RMND5B: variants seen among roughly 807,000 people sequenced by gnomAD.
RMND5B encodes the protein E3 ubiquitin-protein transferase RMND5B.
In RMND5B, 42 loss-of-function variants were observed where a neutral mutation model predicts 50.4. The observed-to-expected ratio is 0.83, with a 90% CI of 0.65 to 1.08. The LOEUF (loss-of-function observed/expected upper bound fraction) is 1.08. Ranked by LOEUF, RMND5B falls within the 50% of genes least tolerant of loss-of-function variation. The pLI is 0.00. For missense variants in RMND5B, 463 were observed against 508.5 expected (o/e 0.91, Z 0.86); for synonymous variants, 220 against 210.0 (o/e 1.05, Z -0.41).
Position 178,148,297 on chromosome 5 carries a change from G to A in RMND5B, c.*265G>A, listed in dbSNP as rs575772829. 7.2e-5 allele frequency: 39 copies of A among 540,288 alleles called. No individual in the cohort carries two copies. Among genetic ancestry groups the A allele is most frequent in the African/African-American group, 5.3e-4 (28 of 52,694 alleles). 33.5% of individuals were successfully genotyped at this position (540,288 alleles called of 1,614,324 possible). On this transcript the variant is annotated 3_prime_UTR_variant, in exon 11 of 11. Transcript: ENST00000313386. Reference sequence around the variant, plus strand: ...GCTGTCTTTTCCTGTTTCTGTTTGCGTTTGACTTAGTAGCAACCGACAGAG... The same window carrying A: ...GCTGTCTTTTCCTGTTTCTGTTTGCATTTGACTTAGTAGCAACCGACAGAG...
chr5:178,145,143 AGGTTCAAGC>A (rs1755923763), intron 7 of RMND5B, among the ~76,000 whole-genome samples: 2 of 151,966 alleles, frequency 1.3e-5, no homozygotes, highest in South Asian at 4.1e-4. Context: ...TCCACCTCCC[AGGTTCAAGC>A]GATTCTCCTG....
At chr5:178,142,200 C>T (rs183570701) in intron 3 of RMND5B, 54 of 184,744 alleles carry the variant, frequency 2.9e-4, no homozygotes, top group Non-Finnish European at 3.4e-4. Flanking sequence ...GTATATCCTT[C>T]GGAGTGGAAC....
In RMND5B at chr5:178,144,006, C is replaced by T. The variant is rs749978415; in HGVS notation, c.592C>T (p.Arg198Ter). Residue 198 changes from arginine to a stop codon, truncating the protein, a stop_gained, in exon 7 of 11, where the codon CGA becomes TGA. Coordinates refer to ENST00000313386, the MANE Select transcript of RMND5B (RefSeq NM_022762.5). LOFTEE classifies it high-confidence loss of function. ...LNSSLEFKLHRLHFIRLLAGG... is the reference protein window; with the variant it reads ...LNSSLEFKLH ...CAGCTCCCTGGAGTTCAAGCTGCAC[C>T]GACTGCACTTCATCCGCCTCTTGGC... 21 of 1,614,146 alleles carry T rather than the reference C, an allele frequency of 1.3e-5. No individual in the cohort carries two copies. The highest frequency in any genetic ancestry group is 3.3e-5 in the South Asian group (3 of 91,092).
chr5:178,147,699 G>T lies in RMND5B; in HGVS notation c.964-30G>T, dbSNP rs754923274. The T allele has an allele frequency of 1.9e-6, 3 of 1,613,970 alleles. No homozygotes were observed. In the African/African-American group the frequency reaches 4.0e-5, roughly 22 times the overall value. ...GGGGAGGACAGCCATGACAGGAAGT[G>T]GAACTCACCCGCTTCGCTGCCCTTC... is the stretch of plus-strand genomic sequence containing the variant. On this transcript the variant is annotated intron_variant, in intron 9 of 10. Coordinates refer to ENST00000313386, the MANE Select transcript of RMND5B (RefSeq NM_022762.5).
chr5:178,143,715 G>A lies in RMND5B; in HGVS notation c.515G>A (p.Gly172Asp). 1 of 1,613,662 alleles carries A rather than the reference G, an allele frequency of 6.2e-7. No individual in the cohort carries two copies. Among genetic ancestry groups the A allele is most frequent in the Non-Finnish European group, 8.5e-7 (1 of 1,179,556 alleles). Residue 172 changes from glycine to aspartate, a missense_variant, in exon 6 of 11, where the codon GGT (glycine) becomes GAT (aspartate). Transcript: ENST00000313386. Reference protein sequence around the residue: ...ILEALHEQDLGPALEWAVSHR... With the variant: ...ILEALHEQDLDPALEWAVSHR... The stretch of plus-strand genomic sequence containing the variant: ...GAAGCCCTGCACGAACAAGACCTGG[G>A]TCCTGCGTTGGAGTAAGGAGGCCCT...
chr5:178,138,168 A>G lies in RMND5B; in HGVS notation c.49A>G (p.Lys17Glu). The G allele has an allele frequency of 1.2e-6, 2 of 1,613,506 alleles. No individual in the cohort carries two copies. Among genetic ancestry groups the G allele is most frequent in the Non-Finnish European group, 1.7e-6 (2 of 1,179,774 alleles). ...GAGAGAGCTGGACAAGGTCCTGCAG[A>G]AGTTCCTGACCTACGGGCAGCACTG... The part of the protein sequence containing the change: ...VERELDKVLQ[K>E]FLTYGQHCER... The change falls in exon 3 of 11, where the codon AAG (lysine) becomes GAG (glutamate). Residue 17 changes from lysine to glutamate, a missense_variant. Coordinates refer to ENST00000313386, the MANE Select transcript of RMND5B (RefSeq NM_022762.5). The surrounding 1 kb of genome is among the most constrained non-coding windows in gnomAD (Gnocchi z 5.1).
chr5:178,134,474 G>A (rs1164136400), intron 2 of RMND5B, among the ~76,000 whole-genome samples: 3 of 152,134 alleles, frequency 2.0e-5, no homozygotes, highest in African/African-American at 7.2e-5. Context: ...TGGGGAGGAA[G>A]GCTTAGGACC....
intron 3 of RMND5B, 159 bp from the exon 4 acceptor site, chr5:178,142,424 A>C (rs1758992395): frequency 1.2e-6 from 1 of 826,058 alleles, no homozygotes; most frequent in Non-Finnish European, 1.9e-6. Flanking sequence ...AGACAGTTAA[A>C]AAGTGGCAGG....
Position 178,138,246 on chromosome 5 carries a change from C to T in RMND5B, c.127C>T (p.Leu43=), listed in dbSNP as rs1339625673. The stretch of plus-strand genomic sequence containing the variant: ...CTACGTGGGCCAGCTGCGGGCTGAG[C>T]TGGCCAGCGCAGGTGGGTGGCCACC... The part of the protein sequence containing the change: ...LHYVGQLRAE[L]ASAALQGTPL... Residue 43 remains leucine (L), a synonymous_variant, in exon 3 of 11, where the codon CTG becomes TTG. Transcript: ENST00000313386. This position sits in a 1 kb window ranked among gnomAD's most constrained non-coding sequence, Gnocchi z 5.1. The T allele has an allele frequency of 6.2e-7, 1 of 1,613,242 alleles. No individual in the cohort carries two copies. Among genetic ancestry groups the T allele is most frequent in the Non-Finnish European group, 8.5e-7 (1 of 1,179,568 alleles).
chr5:178,138,548 T>C lies in RMND5B; in HGVS notation c.139+290T>C, dbSNP rs1758748366. On this transcript the variant is annotated intron_variant, in intron 3 of 10. Transcript: ENST00000313386. This position sits in a 1 kb window ranked among gnomAD's most constrained non-coding sequence, Gnocchi z 5.1. ...GTGTGTGTGTGTGTGTGTGTGTGTG[T>C]AGAAACAGTGTCTTTGTTGCCTAGG... Among the ~76,000 whole-genome samples the C allele has an allele frequency of 6.6e-6, 1 of 151,124 alleles. No homozygotes were observed. The highest frequency in any genetic ancestry group is 2.4e-5 in the African/African-American group (1 of 41,158).
At position 178,138,135 on chromosome 5, in the gene RMND5B, T is replaced by A. The variant is rs906649796; in HGVS notation, c.16T>A (p.Cys6Ser). 2 of 1,604,064 alleles carry A rather than the reference T, an allele frequency of 1.2e-6. No homozygotes were observed. The highest frequency in any genetic ancestry group is 1.7e-6 in the Non-Finnish European group (2 of 1,175,572). Residue 6 changes from cysteine to serine, a missense_variant, in exon 3 of 11, where the codon TGC (cysteine) becomes AGC (serine). Cys to Ser is a moderately radical substitution (Grantham distance 112). Coordinates refer to ENST00000313386, the MANE Select transcript of RMND5B (RefSeq NM_022762.5). This position sits in a 1 kb window ranked among gnomAD's most constrained non-coding sequence, Gnocchi z 5.1. ...TGAGGCCACCATGGAGCAGTGTGCGTGCGTGGAGAGAGAGCTGGACAAGGT... is the reference window on the plus strand; with the variant it reads ...TGAGGCCACCATGGAGCAGTGTGCGAGCGTGGAGAGAGAGCTGGACAAGGT... MEQCA[C>S]VERELDKVLQ...
In RMND5B at chr5:178,150,442, A is replaced by G; in HGVS notation, c.*2410A>G. 1 of 346,786 alleles carries G rather than the reference A, an allele frequency of 2.9e-6. No homozygotes were observed. Among genetic ancestry groups the G allele is most frequent in the Admixed American group, 3.9e-5 (1 of 25,972 alleles). 21.5% of individuals were successfully genotyped at this position (346,786 alleles called of 1,614,324 possible). A position where few individuals can be genotyped will look rare whatever the true frequency, so the allele number is the denominator to read the frequency against. On this transcript the variant is annotated 3_prime_UTR_variant, in exon 11 of 11. Coordinates refer to ENST00000313386, the MANE Select transcript of RMND5B (RefSeq NM_022762.5). ...CATGCAGTCTGGAGTGTGGTGGTGTATGATCATGGCTCACTGCAGCCTTGA... is the reference window on the plus strand; with the variant it reads ...CATGCAGTCTGGAGTGTGGTGGTGTGTGATCATGGCTCACTGCAGCCTTGA...
chr5:178,141,092 T>C (rs572830492), intron 3 of RMND5B, among the ~76,000 whole-genome samples: 1 of 152,364 alleles, frequency 6.6e-6, no homozygotes, highest in Admixed American at 6.5e-5. Flanking sequence ...CAATAGGTTA[T>C]AATCCATTGC....
In RMND5B at chr5:178,143,723, T is replaced by A. The variant is rs769134484; in HGVS notation, c.523T>A (p.Leu175Met). 1 of 1,612,560 alleles carries A rather than the reference T, an allele frequency of 6.2e-7. No individual in the cohort carries two copies. The highest frequency in any genetic ancestry group is 8.5e-7 in the Non-Finnish European group (1 of 1,178,654). The change falls in exon 6 of 11, where the codon TTG becomes ATG. Residue 175 changes from leucine (L) to methionine (M), a missense_variant. Leu to Met is a conservative substitution (Grantham distance 15). Transcript: ENST00000313386. ...GCACGAACAAGACCTGGGTCCTGCG[T>A]TGGAGTAAGGAGGCCCTTGGGTGGG... is the stretch of plus-strand genomic sequence containing the variant. The part of the protein sequence containing the change: ...ALHEQDLGPA[L>M]EWAVSHRQRL...
In RMND5B at chr5:178,150,360, AC is replaced by A; in HGVS notation, c.*2331del. ...TATCCCAAGAAGTGATACTGTAGGT[AC>A]CCAAGATCCACCCCCAGCCTCTATT... is the stretch of plus-strand genomic sequence containing the variant. On this transcript the variant is annotated 3_prime_UTR_variant, in exon 11 of 11. Coordinates refer to ENST00000313386, the MANE Select transcript of RMND5B (RefSeq NM_022762.5). 3.8e-6 allele frequency: 1 copy of A among 260,482 alleles called. No homozygotes were observed. The highest frequency in any genetic ancestry group is 7.6e-6 in the Non-Finnish European group (1 of 131,626). The allele number at this position is 260,482 out of a possible 1,614,324, so 16.1% of individuals were successfully genotyped here. A position where few individuals can be genotyped will look rare whatever the true frequency, so the allele number is the denominator to read the frequency against.
chr5:178,138,204 C>G lies in RMND5B; in HGVS notation c.85C>G (p.Leu29Val). The stretch of plus-strand genomic sequence containing the variant: ...CTACGGGCAGCACTGTGAGCGGAGC[C>G]TGGAGGAGCTGCTGCACTACGTGGG... ...LTYGQHCERS[L>V]EELLHYVGQL... The change falls in exon 3 of 11, where the codon CTG becomes GTG. Residue 29 changes from leucine to valine, a missense_variant. Coordinates refer to ENST00000313386, the MANE Select transcript of RMND5B (RefSeq NM_022762.5). The surrounding 1 kb of genome is among the most constrained non-coding windows in gnomAD (Gnocchi z 5.1). The G allele has an allele frequency of 6.2e-7, 1 of 1,613,956 alleles. No individual in the cohort carries two copies. Among genetic ancestry groups the G allele is most frequent in the Non-Finnish European group, 8.5e-7 (1 of 1,179,942 alleles).
intron 7 of RMND5B, among the ~76,000 whole-genome samples, chr5:178,145,084 T>G (rs1356724160): frequency 1.3e-5 from 2 of 152,162 alleles, no homozygotes; most frequent in Non-Finnish European, 2.9e-5. Flanking sequence ...CTCACTCTGT[T>G]GCCCAGGCTG....
At chr5:178,132,955 C>T (rs1758415113) in intron 2 of RMND5B, among the ~76,000 whole-genome samples, 1 of 151,822 alleles carries the variant, frequency 6.6e-6, no homozygotes, top group Non-Finnish European at 1.5e-5. Flanking sequence ...ACCTCTGCCT[C>T]CTGGGTTCAA....
intron 3 of RMND5B, among the ~76,000 whole-genome samples, chr5:178,139,855 G>C (rs1210573109): frequency 6.6e-6 from 1 of 151,904 alleles, no homozygotes; most frequent in Non-Finnish European, 1.5e-5. Context: ...ACCATGCCCG[G>C]CTGTTCAGGA....
Sources: gnomAD v4.1 joint callset for allele counts (sites outside exome capture counted in the v4.1 genomes callset) on GRCh38, gnomAD v4.1.1 for gene constraint, Gnocchi (gnomAD v3.1) non-coding constraint, MANE v1.5 for transcripts, NCBI Gene and HGNC (gene_info 2026-07-23, HGNC 2026-07-21) for gene names.